The following MGAT4C variants were observed in gnomAD, a reference collection of about 807,000 sequenced individuals.
MGAT4C encodes alpha-1,3-mannosyl-glycoprotein 4-beta-N-acetylglucosaminyltransferase C.
Under a neutral mutation model 40.1 loss-of-function variants are expected in MGAT4C, and 19 were observed. The observed-to-expected ratio is 0.47, with a 90% confidence interval of 0.33 to 0.70. The LOEUF (loss-of-function observed/expected upper bound fraction) is 0.70, where lower values mean the gene tolerates loss of function less well. Among genes scored for constraint, MGAT4C ranks in the 30% least tolerant of loss-of-function variants. The pLI, the probability that MGAT4C is intolerant of heterozygous loss-of-function variation, is 0.02. For synonymous variants in MGAT4C, 181 were observed against 187.1 expected (o/e 0.97, Z 0.27); for missense variants, 491 against 563.2 (o/e 0.87, Z 1.30).
chr12:86,774,280 G>GTT (rs1316236177), intron 1 of MGAT4C, among the ~76,000 whole-genome samples: 13 of 37,838 alleles, frequency 3.4e-4, no homozygotes, highest in African/African-American at 1.5e-3. Flanking sequence ...TCTAAGGCTT[G>GTT]CTCTTTCTTT....
chr12:86,831,097 T>C (rs1952918133), intron 1 of MGAT4C, among the ~76,000 whole-genome samples: 1 of 151,734 alleles, frequency 6.6e-6, no homozygotes, highest in African/African-American at 2.4e-5. Flanking sequence ...CCGACCCCCA[T>C]TGGAAACCCA....
rs112158900 is a variant in MGAT4C, at chr12:86,474,659, T to G, written c.-228-39394A>C. ...TATGAATTGTATAAATGACAAGGAT[T>G]CATACTCTGGCTTTTCAGGTTTTCT... On this transcript the variant is annotated intron_variant, in intron 2 of 7. Transcript: ENST00000548651. Among the ~76,000 whole-genome samples, 500 of 152,240 alleles carry G rather than the reference T, an allele frequency of 3.3e-3. 2 individuals carry two copies. The highest frequency in any genetic ancestry group is 0.012 in the African/African-American group (483 of 41,544).
At chr12:86,642,575 T>C (rs117945891) in intron 2 of MGAT4C, among the ~76,000 whole-genome samples, 1 of 151,890 alleles carries the variant, frequency 6.6e-6, no homozygotes, top group Non-Finnish European at 1.5e-5. Flanking sequence ...TAAATTTGAA[T>C]TAATGGTGTC....
At chr12:86,693,935 G>A (rs534126332) in intron 2 of MGAT4C, among the ~76,000 whole-genome samples, 16 of 151,966 alleles carry the variant, frequency 1.1e-4, no homozygotes, top group Non-Finnish European at 2.1e-4. Context: ...GAGAGCTTTC[G>A]CCAATAATGA....
chr12:86,543,274 A>G (rs2136387762), intron 2 of MGAT4C, among the ~76,000 whole-genome samples: 1 of 151,504 alleles, frequency 6.6e-6, no homozygotes, highest in Non-Finnish European at 1.5e-5. Context: ...TATTTACATT[A>G]ATAGTATAAT....
At chr12:86,702,803 T>C (rs574583385) in intron 2 of MGAT4C, among the ~76,000 whole-genome samples, 13 of 152,300 alleles carry the variant, frequency 8.5e-5, no homozygotes, top group Admixed American at 7.9e-4. Flanking sequence ...CTGCAGCCCA[T>C]TGATCAAGAC....
At chr12:86,829,389 TATAA>T (rs552190789) in intron 1 of MGAT4C, among the ~76,000 whole-genome samples, 6 of 151,626 alleles carry the variant, frequency 4.0e-5, no homozygotes, top group Non-Finnish European at 7.4e-5. Flanking sequence ...TTTGTCATCC[TATAA>T]ATATTCTTAT....
chr12:86,773,945 C>CTT (rs140530916), intron 1 of MGAT4C, among the ~76,000 whole-genome samples: 5 of 58,438 alleles, frequency 8.6e-5, no homozygotes, highest in African/African-American at 3.4e-4. Flanking sequence ...AAAGTAACTT[C>CTT]TTTTTTTTTT....
intron 1 of MGAT4C, among the ~76,000 whole-genome samples, chr12:86,197,074 A>T (rs1419489563): frequency 6.6e-6 from 1 of 152,166 alleles, no homozygotes; most frequent in African/African-American, 2.4e-5. Context: ...CTCTTCTGCC[A>T]AATATCCAAG....
intron 2 of MGAT4C, among the ~76,000 whole-genome samples, chr12:86,677,734 G>A (rs181939934): frequency 6.6e-6 from 1 of 152,026 alleles, no homozygotes; most frequent in Non-Finnish European, 1.5e-5. Flanking sequence ...AAATCCATTT[G>A]AGACTAAATA....
At chr12:86,108,003 T>C (rs184022011) in intron 1 of MGAT4C, among the ~76,000 whole-genome samples, 8 of 152,198 alleles carry the variant, frequency 5.3e-5, no homozygotes, top group Non-Finnish European at 8.8e-5. Context: ...ACTGATGATG[T>C]TTTTTTCCCT....
intron 1 of MGAT4C, among the ~76,000 whole-genome samples, chr12:86,735,447 A>G (rs1023300930): frequency 2.6e-5 from 4 of 151,864 alleles, no homozygotes; most frequent in Admixed American, 6.6e-5. Flanking sequence ...CAGGCAGTTC[A>G]AATCTGATGG....
chr12:86,315,010 T>C (rs537506002), intron 4 of MGAT4C, among the ~76,000 whole-genome samples: 2 of 98,214 alleles, frequency 2.0e-5, no homozygotes, highest in Admixed American at 1.1e-4. Flanking sequence ...AAAATTCATA[T>C]AGAACTGAAA....
At chr12:86,559,084 GA>G (rs974425529) in intron 2 of MGAT4C, among the ~76,000 whole-genome samples, 7 of 150,538 alleles carry the variant, frequency 4.6e-5, no homozygotes, top group African/African-American at 9.7e-5. Flanking sequence ...AAAAACTGTA[GA>G]AAAAAAAGAA....
chr12:86,041,946 C>T (rs909504439), intron 2 of MGAT4C, among the ~76,000 whole-genome samples: 8 of 152,148 alleles, frequency 5.3e-5, no homozygotes, highest in Admixed American at 4.6e-4. Flanking sequence ...GTAGCTATCT[C>T]ACTCTCTTCA....
At chr12:86,746,778 G>A (rs954213507) in intron 1 of MGAT4C, among the ~76,000 whole-genome samples, 1 of 151,340 alleles carries the variant, frequency 6.6e-6, no homozygotes. Flanking sequence ...ATCACCTTAG[G>A]TATCTTTTCT....
At position 86,321,096 on chromosome 12, in the gene MGAT4C, T is replaced by C. The variant is rs73385246; in HGVS notation, c.-57+12969A>G. Among the ~76,000 whole-genome samples the C allele has an allele frequency of 2.9e-3, 435 of 152,266 alleles. 2 individuals are homozygous for C. The highest frequency in any genetic ancestry group is 0.01 in the African/African-American group (422 of 41,576). On this transcript the variant is annotated intron_variant, in intron 4 of 7. Transcript: ENST00000548651. ...ATCTTAAAACCATTTTTATACATTTTTAAAGTCACTATACCTTTTTAAAAT... is the reference window on the plus strand; with the variant it reads ...ATCTTAAAACCATTTTTATACATTTCTAAAGTCACTATACCTTTTTAAAAT...
At chr12:86,626,654 A>C (rs1318425821) in intron 2 of MGAT4C, among the ~76,000 whole-genome samples, 1 of 152,236 alleles carries the variant, frequency 6.6e-6, no homozygotes, top group African/African-American at 2.4e-5. Context: ...TGTTATTATT[A>C]AGATTATGGA....
chr12:86,813,993 C>T (rs967593639), intron 1 of MGAT4C, among the ~76,000 whole-genome samples: 3 of 151,814 alleles, frequency 2.0e-5, no homozygotes, highest in Admixed American at 2.0e-4. Context: ...TCACTGCAAC[C>T]TCCGCCACCC....
Sources: allele counts gnomAD v4.1 joint callset (sites outside exome capture counted in the v4.1 genomes callset), GRCh38; gene constraint gnomAD v4.1.1; transcripts MANE v1.5; gene names NCBI Gene and HGNC (gene_info 2026-07-23, HGNC 2026-07-21).